Variants in SLC8A1 observed in about 807,000 individuals in gnomAD.
The protein encoded by SLC8A1 is solute carrier family 8 member A1, also known as sodium/calcium exchanger 1.
Under a neutral mutation model 68.3 loss-of-function variants are expected in SLC8A1, and 18 were observed. The observed-to-expected ratio is 0.26, with a 90% CI of 0.18 to 0.39. The LOEUF (loss-of-function observed/expected upper bound fraction) is 0.39, where lower values mean the gene tolerates loss of function less well. Among genes scored for constraint, SLC8A1 ranks in the 10% least tolerant of loss-of-function variants. SLC8A1 has a pLI of 1.00. For synonymous variants in SLC8A1, 475 were observed against 415.5 expected (o/e 1.14, Z -1.74); for missense variants, 985 against 1,156.7 (o/e 0.85, Z 2.15).
At chr2:40,253,050 T>TAC (rs2063159881) in intron 2 of SLC8A1, among the ~76,000 whole-genome samples, 1 of 135,696 alleles carries the variant, frequency 7.4e-6, no homozygotes, top group Admixed American at 7.7e-5. Context: ...AGTATATGTA[T>TAC]ATATGTACAT....
chr2:40,190,719 T>C (rs1431995379), intron 2 of SLC8A1: 2 of 152,130 alleles, frequency 1.3e-5, no homozygotes, highest in African/African-American at 2.4e-5. Flanking sequence ...ATCTTTGACC[T>C]GAAACAAAAC....
At position 40,412,504 on chromosome 2, in the gene SLC8A1, T is replaced by C. The variant is rs140393839; in HGVS notation, c.1808+15969A>G. 3.3e-4 allele frequency among the ~76,000 whole-genome samples: 51 copies of C among 152,268 alleles called. No individual in the cohort carries two copies. In the East Asian group the frequency reaches 9.1e-3, roughly 27 times the overall value. On this transcript the variant is annotated intron_variant, in intron 2 of 7. Transcript: ENST00000406785. The stretch of plus-strand genomic sequence containing the variant: ...ATTTAACACTACCTTGGAGTGGGCA[T>C]ACGGTTTTAACTGAAACAGATTCTT...
chr2:40,215,530 G>A (rs1192331568), intron 2 of SLC8A1, among the ~76,000 whole-genome samples: 2 of 151,532 alleles, frequency 1.3e-5, no homozygotes, highest in Admixed American at 6.6e-5. Flanking sequence ...CCAGCTACTC[G>A]GGAGGCTGAG....
At chr2:40,256,918 G>A (rs1028582513) in intron 2 of SLC8A1, among the ~76,000 whole-genome samples, 3 of 152,106 alleles carry the variant, frequency 2.0e-5, no homozygotes, top group African/African-American at 7.2e-5. Context: ...GGAGAATGTT[G>A]CTTCCCTTTA....
At chr2:40,329,048 C>G (rs1184811841) in intron 2 of SLC8A1, among the ~76,000 whole-genome samples, 2 of 142,556 alleles carry the variant, frequency 1.4e-5, no homozygotes, top group African/African-American at 5.4e-5. Context: ...TTCATCTCCT[C>G]ACACTACAAC....
chr2:40,494,979 G>A (rs565298442), intron 1 of SLC8A1, among the ~76,000 whole-genome samples: 1 of 151,594 alleles, frequency 6.6e-6, no homozygotes, highest in African/African-American at 2.4e-5. Context: ...AAAAACTGAA[G>A]CAAAGATTGA....
intron 7 of SLC8A1, among the ~76,000 whole-genome samples, chr2:40,131,176 C>T (rs1278104984): frequency 2.6e-5 from 4 of 152,140 alleles, no homozygotes; most frequent in Non-Finnish European, 4.4e-5. Context: ...AGGAGTTAAG[C>T]AATTTGCCTC....
chr2:40,276,950 C>G (rs890223872), intron 2 of SLC8A1, among the ~76,000 whole-genome samples: 5 of 152,072 alleles, frequency 3.3e-5, no homozygotes, highest in Non-Finnish European at 5.9e-5. Context: ...GTCGAATGAC[C>G]AAGGTTAGAA....
chr2:40,359,499 G>C (rs1051325945), intron 2 of SLC8A1, among the ~76,000 whole-genome samples: 1 of 152,022 alleles, frequency 6.6e-6, no homozygotes, highest in African/African-American at 2.4e-5. Context: ...TGGGATCTTC[G>C]CAGCTTCTGG....
chr2:40,306,285 C>T (rs1432880833), intron 2 of SLC8A1, among the ~76,000 whole-genome samples: 1 of 152,134 alleles, frequency 6.6e-6, no homozygotes, highest in East Asian at 1.9e-4. Context: ...GAAATAATGT[C>T]AGCATTGGAC....
rs930107147 is a variant in SLC8A1 at position 40,410,186 on chromosome 2, G to A, written c.1808+18287C>T. Among the ~76,000 whole-genome samples, 8 of 151,942 alleles carry A rather than the reference G, an allele frequency of 5.3e-5. No homozygotes were observed. The South Asian group carries it at 8.3e-4, about 16-fold the overall frequency. ...AATAAATCTTGGAAATGGGTTGTTCGATTATTATAGTACCCCTCCGAGGGC... is the reference window on the plus strand; with the variant it reads ...AATAAATCTTGGAAATGGGTTGTTCAATTATTATAGTACCCCTCCGAGGGC... On this transcript the variant is annotated intron_variant, in intron 2 of 7. Transcript: ENST00000406785.
intron 2 of SLC8A1, among the ~76,000 whole-genome samples, chr2:40,359,675 A>T (rs137913087): frequency 4.6e-5 from 7 of 152,284 alleles, no homozygotes; most frequent in Admixed American, 2.6e-4. Flanking sequence ...TGAATTGAGT[A>T]TGTTACTGAG....
chr2:40,174,588 C>T (rs1346533406), intron 4 of SLC8A1, 118 bp downstream of exon 6: 3 of 959,270 alleles, frequency 3.1e-6, no homozygotes, highest in Non-Finnish European at 3.2e-6. Flanking sequence ...GTAAAACCAG[C>T]AAGAGCACAC....
chr2:40,173,858 T>C (rs2047984034), intron 4 of SLC8A1, among the ~76,000 whole-genome samples: 1 of 152,138 alleles, frequency 6.6e-6, no homozygotes, highest in African/African-American at 2.4e-5. Context: ...GTTTAAATAT[T>C]TATCTCTCTA....
intron 2 of SLC8A1, among the ~76,000 whole-genome samples, chr2:40,303,018 C>T (rs184889628): frequency 1.3e-5 from 2 of 152,238 alleles, no homozygotes; most frequent in Admixed American, 1.3e-4. Context: ...GAGGGAAAAC[C>T]AATGAGACAT....
intron 2 of SLC8A1, among the ~76,000 whole-genome samples, chr2:40,386,491 A>C (rs1318311383): frequency 6.7e-6 from 1 of 149,218 alleles, no homozygotes; most frequent in African/African-American, 2.5e-5. Flanking sequence ...ATAAAGCCTA[A>C]AGCTATTTTA....
intron 1 of SLC8A1, among the ~76,000 whole-genome samples, chr2:40,499,660 A>T (rs933789235): frequency 1.3e-5 from 2 of 152,072 alleles, no homozygotes; most frequent in Non-Finnish European, 2.9e-5. Flanking sequence ...TGCAGGCAAC[A>T]GTGTTCATCC....
chr2:40,432,088 G>T (rs1025148881), intron 1 of SLC8A1, among the ~76,000 whole-genome samples: 2 of 152,066 alleles, frequency 1.3e-5, no homozygotes, highest in Non-Finnish European at 1.5e-5. Context: ...TCTTTGAAAG[G>T]CTTTGAGATT....
Position 40,449,848 on chromosome 2 carries a change from T to C in SLC8A1, c.-25+2056A>G, listed in dbSNP as rs541391916. On this transcript the variant is annotated intron_variant, in intron 1 of 7. Coordinates refer to ENST00000406785, the Ensembl canonical transcript of SLC8A1. ...AACAATAAATAATGGTTTATCTCTG[T>C]TCAGTCCTTTTTGTTGCTGTTGTTT... Among the ~76,000 whole-genome samples the C allele has an allele frequency of 2.0e-4, 30 of 152,328 alleles. No individual in the cohort carries two copies. In the South Asian group the frequency reaches 5.0e-3, roughly 25 times the overall value.
Sources: gnomAD v4.1 joint callset for allele counts (sites outside exome capture counted in the v4.1 genomes callset) on GRCh38, gnomAD v4.1.1 for gene constraint, MANE v1.5 for transcripts, NCBI Gene and HGNC (gene_info 2026-07-23, HGNC 2026-07-21) for gene names.